ENPP6: variants seen among roughly 807,000 people sequenced by gnomAD.
The protein encoded by ENPP6 is glycerophosphocholine cholinephosphodiesterase ENPP6.
In ENPP6, 32 loss-of-function variants were observed where a neutral mutation model predicts 42.0. The observed-to-expected ratio is 0.76, with a 90% CI of 0.58 to 1.02. The LOEUF (loss-of-function observed/expected upper bound fraction) is 1.02, where lower values mean the gene tolerates loss of function less well. Ranked by LOEUF, ENPP6 falls within the 50% of genes least tolerant of loss-of-function variation. ENPP6 has a pLI of 0.00. For synonymous variants in ENPP6, 213 were observed against 216.0 expected (o/e 0.99, Z 0.12); for missense variants, 552 against 566.8 (o/e 0.97, Z 0.27).
intron 2 of ENPP6, among the ~76,000 whole-genome samples, chr4:184,141,565 T>C (rs1056082206): frequency 6.6e-6 from 1 of 152,168 alleles, no homozygotes; most frequent in African/African-American, 2.4e-5. Flanking sequence ...TCCTCATCAT[T>C]CCCAGGGAAC....
chr4:184,119,949 T>C (rs1736387366), intron 3 of ENPP6, among the ~76,000 whole-genome samples: 1 of 152,190 alleles, frequency 6.6e-6, no homozygotes, highest in Admixed American at 6.5e-5. Context: ...CTCTTCCCTT[T>C]ACAAATTACC....
intron 2 of ENPP6, among the ~76,000 whole-genome samples, chr4:184,140,036 T>G (rs1165267094): frequency 6.8e-6 from 1 of 147,846 alleles, no homozygotes; most frequent in Non-Finnish European, 1.5e-5. Flanking sequence ...CCTGACTTTT[T>G]AATGATTGCC....
chr4:184,100,446 A>T (rs72995867), intron 6 of ENPP6, among the ~76,000 whole-genome samples: 11,537 of 152,260 alleles, frequency 0.076, 1,115 homozygotes, highest in African/African-American at 0.23. Flanking sequence ...CCATCCAGCC[A>T]CTGCGGGGCC....
intron 5 of ENPP6, among the ~76,000 whole-genome samples, chr4:184,113,207 T>G (rs1261040285): frequency 2.0e-5 from 3 of 152,224 alleles, no homozygotes; most frequent in Non-Finnish European, 4.4e-5. Flanking sequence ...GAATGAATTA[T>G]AGCTACAAAC....
rs557334676 is a variant in ENPP6, at chr4:184,116,838, C to G, written c.855+18G>C. On this transcript the variant is annotated intron_variant, in intron 5 of 7. Coordinates refer to ENST00000296741, the MANE Select transcript of ENPP6 (RefSeq NM_153343.4). ...GGGCCCACATGGCCCTCCTCCGCCC[C>G]CCACGGGTCTGTCTTGCCTCAGAGT... 1.7e-5 allele frequency: 28 copies of G among 1,612,240 alleles called. No individual in the cohort carries two copies. Among genetic ancestry groups the G allele is most frequent in the Admixed American group, 8.3e-5 (5 of 59,982 alleles).
At chr4:184,123,950 C>T (rs116176182) in intron 3 of ENPP6, among the ~76,000 whole-genome samples, 1,561 of 152,284 alleles carry the variant, frequency 0.01, 28 homozygotes, top group African/African-American at 0.036. Flanking sequence ...GATTTTCCTG[C>T]TCTCAATTCA....
intron 7 of ENPP6, 108 bp from the exon 8 acceptor site, chr4:184,091,490 AGG>A: frequency 9.7e-7 from 1 of 1,033,468 alleles, no homozygotes; most frequent in Non-Finnish European, 1.4e-6. Context: ...CATTGAGATT[AGG>A]GAATCAGCTC....
chr4:184,096,169 C>T (rs537690305), intron 7 of ENPP6, among the ~76,000 whole-genome samples: 16 of 152,168 alleles, frequency 1.1e-4, no homozygotes, highest in African/African-American at 3.9e-4. Flanking sequence ...AAACTGACAC[C>T]TCATAGTTCC....
At chr4:184,190,116 C>T (rs1241869410) in intron 1 of ENPP6, among the ~76,000 whole-genome samples, 2 of 152,184 alleles carry the variant, frequency 1.3e-5, no homozygotes, top group Admixed American at 6.5e-5. Context: ...CCTCAGGGAA[C>T]CGCCGTCTCT....
chr4:184,122,222 C>T (rs1433106774), intron 3 of ENPP6, among the ~76,000 whole-genome samples: 2 of 152,194 alleles, frequency 1.3e-5, no homozygotes, highest in Non-Finnish European at 2.9e-5. Flanking sequence ...CATGTGAATG[C>T]CAACCCATGG....
chr4:184,096,014 C>T (rs1395780001), intron 7 of ENPP6, among the ~76,000 whole-genome samples: 4 of 152,136 alleles, frequency 2.6e-5, no homozygotes, highest in African/African-American at 9.7e-5. Context: ...CTCTCTTAGG[C>T]CAACATCATG....
intron 1 of ENPP6, among the ~76,000 whole-genome samples, chr4:184,209,113 A>C (rs1426623596): frequency 1.1e-4 from 17 of 150,898 alleles, no homozygotes; most frequent in African/African-American, 1.2e-4. Context: ...GACCAAAAGT[A>C]GATAAAACCA....
intron 6 of ENPP6, among the ~76,000 whole-genome samples, chr4:184,111,303 A>G (rs1736192271): frequency 6.6e-6 from 1 of 152,230 alleles, no homozygotes; most frequent in African/African-American, 2.4e-5. Flanking sequence ...ATTCCAAGCA[A>G]TTCTGCCAGA....
At position 184,131,900 on chromosome 4, in the gene ENPP6, C is replaced by T. The variant is rs202188239; in HGVS notation, c.422-7628G>A. On this transcript the variant is annotated intron_variant, in intron 2 of 7. Transcript: ENST00000296741. ...ATGGAGGCTGAGAAGTCCCACCATC[C>T]GCCATCCACAAGCTGGAGATCTAGG... Among the ~76,000 whole-genome samples the T allele has an allele frequency of 1.1e-4, 17 of 152,038 alleles. 1 individual carries two copies. The East Asian group carries it at 1.5e-3, about 14-fold the overall frequency.
intron 3 of ENPP6, among the ~76,000 whole-genome samples, chr4:184,119,558 T>A (rs1184866868): frequency 1.3e-5 from 2 of 152,180 alleles, no homozygotes; most frequent in East Asian, 3.8e-4. Context: ...CTCTTCTAAC[T>A]AACCTCGAGG....
rs558829368 is a variant in ENPP6, at chr4:184,196,308, T to C, written c.241+21271A>G. On this transcript the variant is annotated intron_variant, in intron 1 of 7. Transcript: ENST00000296741. ...TGTTCTATCCTGTACGACGATTATA[T>C]TCATTTTGACACATATTTAATTGCT... Among the ~76,000 whole-genome samples, 4 of 152,394 alleles carry C rather than the reference T, an allele frequency of 2.6e-5. No individual in the cohort carries two copies. In the East Asian group the frequency reaches 7.7e-4, roughly 29 times the overall value.
chr4:184,199,143 G>A (rs1317498178), intron 1 of ENPP6, among the ~76,000 whole-genome samples: 1 of 152,256 alleles, frequency 6.6e-6, no homozygotes, highest in East Asian at 1.9e-4. Flanking sequence ...GAACGTCTCA[G>A]GCTAAGTGAC....
chr4:184,164,353 C>T (rs935310485), intron 1 of ENPP6, among the ~76,000 whole-genome samples: 1 of 152,178 alleles, frequency 6.6e-6, no homozygotes, highest in African/African-American at 2.4e-5. Flanking sequence ...TTGAAATCCT[C>T]ACCCCAGGTA....
At chr4:184,138,224 G>GT (rs1394492998) in intron 2 of ENPP6, among the ~76,000 whole-genome samples, 1 of 152,184 alleles carries the variant, frequency 6.6e-6, no homozygotes, top group Non-Finnish European at 1.5e-5. Context: ...ATCATTAAAT[G>GT]TAAGTGCTGA....
Sources: allele counts gnomAD v4.1 joint callset (sites outside exome capture counted in the v4.1 genomes callset), GRCh38; gene constraint gnomAD v4.1.1; transcripts MANE v1.5; gene names NCBI Gene and HGNC (gene_info 2026-07-23, HGNC 2026-07-21).